RNF212: variants seen among roughly 807,000 people sequenced by gnomAD.
RNF212 encodes ring finger protein 212, also known as probable E3 SUMO-protein ligase RNF212.
In RNF212, 33 loss-of-function variants were observed where a neutral mutation model predicts 34.7. That is an observed-to-expected ratio of 0.95 (90% CI 0.72 to 1.27). RNF212 has a LOEUF of 1.27. Ranked by LOEUF, RNF212 falls within the 50% of genes most tolerant of loss-of-function variation. The pLI, the probability that RNF212 is intolerant of heterozygous loss-of-function variation, is 0.00. For synonymous variants in RNF212, 140 were observed against 136.1 expected, an observed-to-expected ratio of 1.03 and a Z score of -0.20; for missense variants, 377 against 362.2, an observed-to-expected ratio of 1.04 and a Z score of -0.33.
At chr4:1,065,850 T>C (rs1231504441) in intron 3 of RNF212, among the ~76,000 whole-genome samples, 2 of 151,424 alleles carry the variant, frequency 1.3e-5, no homozygotes. Flanking sequence ...CCTCCCAAAG[T>C]GCTGGGATTA....
chr4:1,095,925 T>C (rs111241058), intron 3 of RNF212, among the ~76,000 whole-genome samples: 86 of 40,616 alleles, frequency 2.1e-3, no homozygotes, highest in Middle Eastern at 0.038. Context: ...CAAGCACACC[T>C]CCCACAGCTC....
In RNF212 at chr4:1,096,758, A is replaced by G. The variant is rs775268769; in HGVS notation, c.246+7T>C. 1 of 1,610,096 alleles carries G rather than the reference A, an allele frequency of 6.2e-7. No homozygotes were observed. Among genetic ancestry groups the G allele is most frequent in the Non-Finnish European group, 8.5e-7 (1 of 1,176,422 alleles). Reference sequence around the variant, plus strand: ...CACGGAACCAAGCCACACCCCTCACAGCTCACCTGGGAGGTTTCCCTGGAG... The same window carrying G: ...CACGGAACCAAGCCACACCCCTCACGGCTCACCTGGGAGGTTTCCCTGGAG... On this transcript the variant is annotated splice_region_variant and intron_variant, in intron 3 of 9. Transcript: ENST00000433731.
chr4:1,087,704 C>T (rs1170487606), intron 4 of RNF212, among the ~76,000 whole-genome samples: 2 of 148,748 alleles, frequency 1.3e-5, no homozygotes, highest in African/African-American at 5.0e-5. Context: ...ATTGTAATCC[C>T]ATGTGTCAAG....
At chr4:1,060,436 C>A (rs1717674791) in intron 3 of RNF212, among the ~76,000 whole-genome samples, 1 of 152,206 alleles carries the variant, frequency 6.6e-6, no homozygotes, top group African/African-American at 2.4e-5. Context: ...GGCCCGAAAG[C>A]CACCCAGAGC....
chr4:1,085,529 G>A (rs1488062019), intron 5 of RNF212, among the ~76,000 whole-genome samples: 1 of 152,228 alleles, frequency 6.6e-6, no homozygotes, highest in African/African-American at 2.4e-5. Context: ...CAGAAAGCAG[G>A]CAGCCAGGCT....
At chr4:1,069,043 A>C (rs1718271065), downstream of RNF212, among the ~76,000 whole-genome samples, 1 of 152,090 alleles carries the variant, frequency 6.6e-6, no homozygotes, top group African/African-American at 2.4e-5. Flanking sequence ...CTCCATCTCT[A>C]CTAAAAATAC....
At chr4:1,099,696 GATAC>G (rs1723635261) in intron 2 of RNF212, 1 of 456,168 alleles carries the variant, frequency 2.2e-6, no homozygotes, top group East Asian at 6.9e-5. Flanking sequence ...CAGTAACGAG[GATAC>G]ATAGTTAAAT....
intron 3 of RNF212, among the ~76,000 whole-genome samples, chr4:1,092,500 G>A (rs1055957228): frequency 4.8e-5 from 7 of 145,252 alleles, no homozygotes; most frequent in East Asian, 1.9e-4. Context: ...TGCCGCCTCC[G>A]TGGTTTGTCT....
chr4:1,079,723 C>T (rs112698965), intron 7 of RNF212, 35 bp from the exon 8 acceptor site: 57 of 1,462,410 alleles, frequency 3.9e-5, no homozygotes, highest in African/African-American at 3.6e-4. Context: ...TTGAGTGAGC[C>T]CAGGACTTAC....
intron 1 of RNF212, 68 bp downstream of exon 1, chr4:1,113,288 C>G (rs557964438): frequency 3.1e-4 from 85 of 273,860 alleles, no homozygotes; most frequent in African/African-American, 2.4e-3. Flanking sequence ...AGTCCCCCAT[C>G]CCCCGGAGTT....
intron 3 of RNF212, among the ~76,000 whole-genome samples, chr4:1,060,975 G>A (rs1717711755): frequency 6.6e-6 from 1 of 152,368 alleles, no homozygotes; most frequent in Admixed American, 6.5e-5. Context: ...TCTCTACGAA[G>A]CCAAGTGCGA....
At chr4:1,058,300 G>A (rs1416712575) in intron 4 of RNF212, 1 of 893,086 alleles carries the variant, frequency 1.1e-6, no homozygotes, top group Non-Finnish European at 1.3e-6. Context: ...AGTGAAGAAG[G>A]TGCTTGCGGG....
intron 8 of RNF212, among the ~76,000 whole-genome samples, chr4:1,075,077 G>T (rs1429885992): frequency 6.6e-6 from 1 of 152,232 alleles, no homozygotes; most frequent in South Asian, 2.1e-4. Flanking sequence ...TCTGACAGCT[G>T]TGAGTTACAG....
At chr4:1,112,689 C>T (rs1725885600) in intron 1 of RNF212, among the ~76,000 whole-genome samples, 1 of 148,158 alleles carries the variant, frequency 6.7e-6, no homozygotes, top group South Asian at 2.2e-4. Flanking sequence ...CCCCTGTGTC[C>T]CCCTCATCTT....
At chr4:1,090,642 C>T (rs1722042807) in intron 4 of RNF212, 140 bp downstream of exon 4, 1 of 654,484 alleles carries the variant, frequency 1.5e-6, no homozygotes, top group Non-Finnish European at 2.8e-6. Flanking sequence ...TGACAACGTC[C>T]CCATAGCTGG....
chr4:1,075,773 G>A (rs1719197888), intron 8 of RNF212, among the ~76,000 whole-genome samples: 1 of 152,170 alleles, frequency 6.6e-6, no homozygotes. Flanking sequence ...CCTCCTGGTG[G>A]TGATCCTCCC....
At chr4:1,086,016 C>CCAGCCTGGGTGACAGAGGAAGACCCTG in intron 4 of RNF212, 62 bp from the exon 5 acceptor site, 1 of 1,237,174 alleles carries the variant, frequency 8.1e-7, no homozygotes. Context: ...ATGTGACCCT[C>CCAGCCTGGGTGACAGAGGAAGACCCTG]TAAATTTCTT....
chr4:1,096,787 T>C lies in RNF212; in HGVS notation c.224A>G (p.Lys75Arg). 1.2e-6 allele frequency: 2 copies of C among 1,613,940 alleles called. No individual in the cohort carries two copies. The highest frequency in any genetic ancestry group is 1.7e-6 in the Non-Finnish European group (2 of 1,179,756). ...CACCTGGGAGGTTTCCCTGGAGTAC[T>C]TCTTACACAGACTGTCTATGCTCAT... ...FFMSIDSLCK[K>R]YSRETSQILE... is the part of the protein sequence containing the mutation. The change falls in exon 3 of 10, where the codon AAG becomes AGG. Residue 75 changes from lysine to arginine, a missense_variant. Coordinates refer to ENST00000433731, the MANE Select transcript of RNF212 (RefSeq NM_001131034.4).
intron 2 of RNF212, among the ~76,000 whole-genome samples, chr4:1,106,276 A>G (rs1036779231): frequency 4.3e-5 from 6 of 140,118 alleles, no homozygotes; most frequent in Non-Finnish European, 9.5e-5. Flanking sequence ...ACACACACAC[A>G]CACACACACA....
Sources: gnomAD v4.1 joint callset for allele counts (sites outside exome capture counted in the v4.1 genomes callset) on GRCh38, gnomAD v4.1.1 for gene constraint, MANE v1.5 for transcripts, NCBI Gene and HGNC (gene_info 2026-07-23, HGNC 2026-07-21) for gene names.